PRKG2: variants seen among roughly 807,000 people sequenced by gnomAD.
PRKG2 encodes the protein cGMP-dependent protein kinase 2.
Under a neutral mutation model 97.2 loss-of-function variants are expected in PRKG2, and 33 were observed. The observed-to-expected ratio is 0.34, with a 90% CI of 0.26 to 0.45. The LOEUF is 0.45. Among genes scored for constraint, PRKG2 ranks in the 20% least tolerant of loss-of-function variants. The probability of loss-of-function intolerance (pLI) is 1.00; values close to 1 mark genes in which losing one functional copy is unlikely to be tolerated. For missense variants in PRKG2, 638 were observed against 900.0 expected (o/e 0.71, Z 3.73); for synonymous variants, 330 against 321.8 (o/e 1.03, Z -0.27).
chr4:81,204,561 G>C lies in PRKG2; in HGVS notation c.461+26C>G, dbSNP rs372818913. On this transcript the variant is annotated intron_variant, in intron 2 of 18. Coordinates refer to ENST00000264399, the MANE Select transcript of PRKG2 (RefSeq NM_006259.3). Reference sequence around the variant, plus strand: ...ATTTCACAATATTAAGCCCATCTGAGTTTAAAGGATGCGGAAATTTCTTAC... The same window carrying C: ...ATTTCACAATATTAAGCCCATCTGACTTTAAAGGATGCGGAAATTTCTTAC... 5.7e-6 allele frequency: 9 copies of C among 1,588,842 alleles called. No individual in the cohort carries two copies. The African/African-American group carries it at 8.1e-5, about 14-fold the overall frequency.
Position 81,137,497 on chromosome 4 carries a change from A to T in PRKG2, c.1545-15T>A. 1 of 1,572,180 alleles carries T rather than the reference A, an allele frequency of 6.4e-7. No individual in the cohort carries two copies. The highest frequency in any genetic ancestry group is 8.7e-7 in the Non-Finnish European group (1 of 1,144,736). On this transcript the variant is annotated splice_polypyrimidine_tract_variant and intron_variant, in intron 12 of 18. Transcript: ENST00000264399. ...TACGATATAATCTGTGAAGACAGAT[A>T]AAAACATGGTTATTATTGGAAATCT...
At chr4:81,095,093 C>T (rs1046398070) in intron 17 of PRKG2, among the ~76,000 whole-genome samples, 3 of 152,174 alleles carry the variant, frequency 2.0e-5, no homozygotes, top group African/African-American at 7.2e-5. Flanking sequence ...ACTCTCTTCT[C>T]ATCCCCAGAC....
At chr4:81,180,886 A>G (rs970437071) in intron 2 of PRKG2, among the ~76,000 whole-genome samples, 12 of 152,196 alleles carry the variant, frequency 7.9e-5, no homozygotes, top group African/African-American at 2.9e-4. Flanking sequence ...CACAATGTGC[A>G]GGTTTGTTAC....
At chr4:81,172,914 G>GA (rs1161168474) in intron 3 of PRKG2, among the ~76,000 whole-genome samples, 23 of 151,612 alleles carry the variant, frequency 1.5e-4, no homozygotes, top group African/African-American at 3.2e-4. Context: ...ATACTAGCAA[G>GA]GAAAAAAAAC....
At chr4:81,167,757 G>A (rs1217151895) in intron 5 of PRKG2, among the ~76,000 whole-genome samples, 2 of 151,934 alleles carry the variant, frequency 1.3e-5, no homozygotes, top group Non-Finnish European at 2.9e-5. Flanking sequence ...GATAGCCAGA[G>A]GCATGGATGA....
intron 14 of PRKG2, among the ~76,000 whole-genome samples, chr4:81,118,732 G>C (rs1342522585): frequency 1.3e-5 from 2 of 152,114 alleles, no homozygotes; most frequent in East Asian, 3.9e-4. Flanking sequence ...CTCCCAGTCA[G>C]TGGCTTGTCT....
chr4:81,217,031 G>GTATATATATATATATGTATA (rs1754298859), upstream of PRKG2, among the ~76,000 whole-genome samples: 1 of 115,296 alleles, frequency 8.7e-6, no homozygotes, highest in East Asian at 2.4e-4. Context: ...TATATATTTT[G>GTATATATATATATATGTATA]TATATATATA....
chr4:81,105,959 G>C, intron 15 of PRKG2, 24 bp from the exon 16 acceptor site: 1 of 1,604,842 alleles, frequency 6.2e-7, no homozygotes, highest in Non-Finnish European at 8.5e-7. Flanking sequence ...ATCCAGAACA[G>C]GACACATTAA....
intron 6 of PRKG2, among the ~76,000 whole-genome samples, chr4:81,163,769 C>T (rs80095829): frequency 0.11 from 16,547 of 151,888 alleles, 1,099 homozygotes; most frequent in Middle Eastern, 0.2. Context: ...TTTGCAGCTA[C>T]AAATCTTCTT....
At chr4:81,171,519 A>G (rs1356741830) in intron 4 of PRKG2, among the ~76,000 whole-genome samples, 172 bp downstream of exon 4, 2 of 152,144 alleles carry the variant, frequency 1.3e-5, no homozygotes, top group East Asian at 1.9e-4. Flanking sequence ...AGCTTAAATT[A>G]TATAGGTAAG....
intron 14 of PRKG2, among the ~76,000 whole-genome samples, chr4:81,111,657 C>T (rs1005170803): frequency 3.9e-5 from 6 of 152,030 alleles, no homozygotes; most frequent in Admixed American, 1.3e-4. Flanking sequence ...CAAAATAGAC[C>T]TTTCCTCTTC....
intron 2 of PRKG2, among the ~76,000 whole-genome samples, chr4:81,186,054 G>C (rs1206960077): frequency 6.6e-6 from 1 of 152,064 alleles, no homozygotes; most frequent in African/African-American, 2.4e-5. Flanking sequence ...GTCAATATTA[G>C]ACAGATCAAC....
chr4:81,154,622 T>C (rs1748821923), intron 6 of PRKG2, among the ~76,000 whole-genome samples: 1 of 150,248 alleles, frequency 6.7e-6, no homozygotes, highest in African/African-American at 2.5e-5. Flanking sequence ...CATCTGTACA[T>C]CACCATCATC....
intron 14 of PRKG2, among the ~76,000 whole-genome samples, chr4:81,113,948 T>C (rs1744235544): frequency 6.6e-6 from 1 of 152,170 alleles, no homozygotes; most frequent in Non-Finnish European, 1.5e-5. Flanking sequence ...GAGGCTAAGA[T>C]ATGGGATGAA....
At position 81,171,236 on chromosome 4, in the gene PRKG2, G is replaced by A. The variant is rs377705017; in HGVS notation, c.742+455C>T. 3.4e-5 allele frequency among the ~76,000 whole-genome samples: 5 copies of A among 148,882 alleles called. No individual in the cohort carries two copies. The South Asian group carries it at 1.1e-3, about 31-fold the overall frequency. On this transcript the variant is annotated intron_variant, in intron 4 of 18. Transcript: ENST00000264399. ...TGTCCATGTGTTCTCATTGTCCAAC[G>A]CCCACTTATAAGTAAGAACATGCAG...
intron 16 of PRKG2, 87 bp downstream of exon 16, chr4:81,105,726 A>G: frequency 6.6e-7 from 1 of 1,520,122 alleles, no homozygotes; most frequent in Non-Finnish European, 8.9e-7. Context: ...AAAAGTAAAT[A>G]TGCACCTAAT....
intron 6 of PRKG2, among the ~76,000 whole-genome samples, chr4:81,157,234 A>T (rs1749184857): frequency 6.6e-6 from 1 of 152,184 alleles, no homozygotes; most frequent in Admixed American, 6.5e-5. Flanking sequence ...GCAATAAAAA[A>T]TGATAAAGGG....
At chr4:81,190,103 A>C (rs574699520) in intron 2 of PRKG2, among the ~76,000 whole-genome samples, 6 of 152,338 alleles carry the variant, frequency 3.9e-5, no homozygotes, top group African/African-American at 1.4e-4. Flanking sequence ...AAACCAAAAA[A>C]GAGCCGGGAT....
At chr4:81,202,011 A>G (rs946610753) in intron 2 of PRKG2, among the ~76,000 whole-genome samples, 6 of 152,198 alleles carry the variant, frequency 3.9e-5, no homozygotes, top group Non-Finnish European at 8.8e-5. Context: ...CCAAAAAATA[A>G]ACAGAAGAGC....
Sources: allele counts gnomAD v4.1 joint callset (sites outside exome capture counted in the v4.1 genomes callset), GRCh38; gene constraint gnomAD v4.1.1; transcripts MANE v1.5; gene names NCBI Gene and HGNC (gene_info 2026-07-23, HGNC 2026-07-21).